The following CCDC92 variants were observed in gnomAD, a reference collection of about 807,000 sequenced individuals.
CCDC92 encodes coiled-coil domain-containing protein 92.
Under a neutral mutation model 24.9 loss-of-function variants are expected in CCDC92, and 12 were observed. The observed-to-expected ratio is 0.48, with a 90% CI of 0.31 to 0.78. The LOEUF (loss-of-function observed/expected upper bound fraction) is 0.78, where lower values mean the gene tolerates loss of function less well. Among genes scored for constraint, CCDC92 ranks in the 30% least tolerant of loss-of-function variants. The pLI, the probability that CCDC92 is intolerant of heterozygous loss-of-function variation, is 0.05. For synonymous variants in CCDC92, 193 were observed against 196.3 expected (o/e 0.98, Z 0.14); for missense variants, 399 against 439.4 (o/e 0.91, Z 0.82).
intron 2 of CCDC92, 61 bp from the exon 3 acceptor site, chr12:123,943,554 C>T: frequency 6.3e-7 from 1 of 1,593,020 alleles, no homozygotes; most frequent in South Asian, 1.1e-5. Context: ...TGCCTGCCCT[C>T]CTTGGCTCTG....
intron 1 of CCDC92, among the ~76,000 whole-genome samples, chr12:123,961,653 GA>G (rs1056821777): frequency 9.2e-5 from 14 of 152,228 alleles, no homozygotes; most frequent in African/African-American, 2.7e-4. Flanking sequence ...GTCCGGCAGG[GA>G]CGATGCAGGG....
chr12:123,943,806 C>T (rs2137930690), intron 2 of CCDC92: 6 of 482,746 alleles, frequency 1.2e-5, no homozygotes, highest in Non-Finnish European at 2.2e-5. Flanking sequence ...CATGAGGAAA[C>T]AGATCAAGAG....
chr12:123,970,387 T>A (rs1375176113), intron 1 of CCDC92: 1 of 152,236 alleles, frequency 6.6e-6, no homozygotes, highest in East Asian at 1.9e-4. Context: ...ACTTTTGCCT[T>A]CATATAGAAG....
intron 1 of CCDC92, among the ~76,000 whole-genome samples, chr12:123,966,885 AC>A (rs1956404759): frequency 6.6e-6 from 1 of 152,150 alleles, no homozygotes; most frequent in Admixed American, 6.5e-5. Context: ...AAGGGATGAG[AC>A]ACAAGAACCT....
In CCDC92 at chr12:123,937,396, C is replaced by T; in HGVS notation, c.658G>A (p.Glu220Lys). Residue 220 changes from glutamate to lysine, a missense_variant, in exon 5 of 5, where the codon GAG (glutamate) becomes AAG (lysine). By Grantham distance (56) the Glu-to-Lys change is moderately conservative. Transcript: ENST00000238156. The surrounding 1 kb of genome is among the most constrained non-coding windows in gnomAD (Gnocchi z 8.4). ...CTCTCTGCCCCGAATCTGTAGACCT[C>T]TTCAAATTCCGGGTGCAAGGGGGCT... ...LSAPLHPEFE[E>K]VYRFGAESRK... 1.9e-6 allele frequency: 3 copies of T among 1,613,896 alleles called. No individual in the cohort carries two copies. The highest frequency in any genetic ancestry group is 2.5e-6 in the Non-Finnish European group (3 of 1,180,008).
chr12:123,942,267 A>G (rs1955706905), intron 4 of CCDC92, among the ~76,000 whole-genome samples: 2 of 152,148 alleles, frequency 1.3e-5, no homozygotes, highest in African/African-American at 4.8e-5. Flanking sequence ...AAAGCCCCAG[A>G]TCCTCAGGGA....
At chr12:123,944,481 C>T (rs1955786174) in intron 1 of CCDC92, 117 bp from the exon 2 acceptor site, 1 of 571,828 alleles carries the variant, frequency 1.7e-6, no homozygotes, top group Non-Finnish European at 2.9e-6. Context: ...GGTACAACTT[C>T]TCAATGGCTC....
At chr12:123,956,056 G>C (rs1956143235) in intron 1 of CCDC92, among the ~76,000 whole-genome samples, 1 of 152,170 alleles carries the variant, frequency 6.6e-6, no homozygotes, top group Non-Finnish European at 1.5e-5. Context: ...CCAATGAGTT[G>C]AGACAGGGAG....
At chr12:123,961,705 T>A (rs1394060483) in intron 1 of CCDC92, among the ~76,000 whole-genome samples, 1 of 152,154 alleles carries the variant, frequency 6.6e-6, no homozygotes, top group African/African-American at 2.4e-5. Context: ...AGCCTTTAGC[T>A]TCAGAGGAGA....
chr12:123,941,441 G>GA (rs980836219), intron 4 of CCDC92, among the ~76,000 whole-genome samples: 3 of 152,152 alleles, frequency 2.0e-5, no homozygotes, highest in African/African-American at 4.8e-5. Flanking sequence ...AATGCAAATG[G>GA]AAAAAAATCA....
Position 123,937,582 on chromosome 12 carries a change from G to GGTA in CCDC92, c.469_471dup (p.Tyr157dup). 1 of 1,613,366 alleles carries GGTA rather than the reference G, an allele frequency of 6.2e-7. No homozygotes were observed. The highest frequency in any genetic ancestry group is 8.5e-7 in the Non-Finnish European group (1 of 1,180,026). On this transcript the variant is annotated inframe_insertion, in exon 5 of 5. Transcript: ENST00000238156. The surrounding 1 kb of genome is among the most constrained non-coding windows in gnomAD (Gnocchi z 8.4). The stretch of plus-strand genomic sequence containing the variant: ...TTGGCGGCGTGCAGCTGGGAGGTCA[G>GGTA]GTAGGCGATGGTGCTGGCCCGCTGC...
At chr12:123,960,988 C>G (rs563704451) in intron 1 of CCDC92, 7 of 152,318 alleles carry the variant, frequency 4.6e-5, no homozygotes, top group East Asian at 3.9e-4. Context: ...AAAGATCAAG[C>G]CAGCATATGT....
intron 1 of CCDC92, among the ~76,000 whole-genome samples, chr12:123,947,465 G>C (rs2137993100): frequency 6.6e-6 from 1 of 152,358 alleles, no homozygotes; most frequent in East Asian, 1.9e-4. Context: ...GTCTAGCTCA[G>C]GGATTGTAAA....
chr12:123,954,460 G>C (rs1350937390), intron 1 of CCDC92, among the ~76,000 whole-genome samples: 1 of 152,194 alleles, frequency 6.6e-6, no homozygotes, highest in Admixed American at 6.5e-5. Context: ...TGTGATTAGA[G>C]AGCCTGACAA....
At chr12:123,966,726 T>TG (rs1386409783) in intron 1 of CCDC92, 1 of 152,260 alleles carries the variant, frequency 6.6e-6, no homozygotes, top group Non-Finnish European at 1.5e-5. Flanking sequence ...AGACTCAAGA[T>TG]GGTCACTGCA....
chr12:123,949,285 T>C (rs990162212), intron 1 of CCDC92, among the ~76,000 whole-genome samples: 10 of 152,256 alleles, frequency 6.6e-5, no homozygotes, highest in African/African-American at 2.4e-4. Context: ...CTACAAATTG[T>C]GTGCTCTTTG....
At chr12:123,966,570 A>G (rs982327685) in intron 1 of CCDC92, 1 of 152,186 alleles carries the variant, frequency 6.6e-6, no homozygotes, top group African/African-American at 2.4e-5. Context: ...AAGGGACTCT[A>G]AAGTTCTGCT....
chr12:123,937,465 T>C lies in CCDC92; in HGVS notation c.589A>G (p.Lys197Glu). The C allele has an allele frequency of 6.2e-7, 1 of 1,613,264 alleles. No homozygotes were observed. Among genetic ancestry groups the C allele is most frequent in the Non-Finnish European group, 8.5e-7 (1 of 1,179,984 alleles). The change falls in exon 5 of 5, where the codon AAG becomes GAG. Residue 197 changes from lysine (K) to glutamate (E), a missense_variant. Transcript: ENST00000238156. This position sits in a 1 kb window ranked among gnomAD's most constrained non-coding sequence, Gnocchi z 8.4. ...ASYKPAPPKD[K>E]LPETPRRRMK... is the part of the protein sequence containing the mutation. ...CGGCGGCGAGGCGTTTCGGGTAGCTTGTCTTTGGGGGGCGCTGGCTTGTAG... is the reference window on the plus strand; with the variant it reads ...CGGCGGCGAGGCGTTTCGGGTAGCTCGTCTTTGGGGGGCGCTGGCTTGTAG...
intron 1 of CCDC92, among the ~76,000 whole-genome samples, chr12:123,952,961 A>G (rs1159944036): frequency 1.3e-5 from 2 of 152,168 alleles, no homozygotes; most frequent in Non-Finnish European, 2.9e-5. Context: ...CCGAGTTGCA[A>G]CCTCTCTGAG....
Sources: gnomAD v4.1 joint callset for allele counts (sites outside exome capture counted in the v4.1 genomes callset) on GRCh38, gnomAD v4.1.1 for gene constraint, Gnocchi (gnomAD v3.1) non-coding constraint, MANE v1.5 for transcripts, NCBI Gene and HGNC (gene_info 2026-07-23, HGNC 2026-07-21) for gene names.